The following CFAP44 variants were observed in gnomAD, a reference collection of about 807,000 sequenced individuals.
CFAP44 encodes the protein cilia- and flagella-associated protein 44.
Under a neutral mutation model 216.2 loss-of-function variants are expected in CFAP44, and 134 were observed. The ratio of observed to expected loss-of-function variants is 0.62; its 90% CI spans 0.54 to 0.72. CFAP44 has a LOEUF of 0.72. CFAP44 is among the 30% of genes least tolerant of loss of function. The pLI is 0.00. For missense variants in CFAP44, 2,035 were observed against 2,182.1 expected (o/e 0.93, Z 1.34); for synonymous variants, 700 against 727.6 (o/e 0.96, Z 0.61).
rs745961284 is a variant in CFAP44, at chr3:113,406,990, T to A, written c.942A>T (p.Leu314=). 1.9e-5 allele frequency: 31 copies of A among 1,614,168 alleles called. No individual in the cohort carries two copies. The East Asian group carries it at 6.9e-4, about 36-fold the overall frequency. Reference sequence around the variant, plus strand: ...TAGTGATTGTTTTGCCAAATCGACCTAGTGATCCCTGCAGCTTGAGACCGG... The same window carrying A: ...TAGTGATTGTTTTGCCAAATCGACCAAGTGATCCCTGCAGCTTGAGACCGG... ...TFTGLKLQGS[L]GRFGKTITTD... is the part of the protein sequence containing the mutation. The change falls in exon 8 of 35, where the codon CTA becomes CTT. Residue 314 remains leucine (L), a synonymous_variant. Transcript: ENST00000393845.
intron 6 of CFAP44, among the ~76,000 whole-genome samples, chr3:113,415,841 T>G (rs1033725537): frequency 6.6e-6 from 1 of 152,166 alleles, no homozygotes; most frequent in Non-Finnish European, 1.5e-5. Context: ...TTCTGTAGAT[T>G]TGGAGTAGGG....
chr3:113,383,679 A>T (rs1488155384), intron 15 of CFAP44, among the ~76,000 whole-genome samples: 1 of 152,236 alleles, frequency 6.6e-6, no homozygotes, highest in Non-Finnish European at 1.5e-5. Flanking sequence ...CTACTTGGAG[A>T]TAACAGTGGC....
intron 24 of CFAP44, among the ~76,000 whole-genome samples, chr3:113,341,239 C>T (rs1002689871): frequency 6.6e-6 from 1 of 152,174 alleles, no homozygotes; most frequent in African/African-American, 2.4e-5. Flanking sequence ...GGGATGGAGC[C>T]CCAGCCCGGG....
chr3:113,294,071 A>C (rs1250370125), intron 34 of CFAP44: 1 of 456,618 alleles, frequency 2.2e-6, no homozygotes, highest in African/African-American at 2.0e-5. Context: ...GAAGACCAAG[A>C]GAAACAACTG....
At chr3:113,440,187 C>T (rs1935328493) in intron 1 of CFAP44, among the ~76,000 whole-genome samples, 1 of 152,120 alleles carries the variant, frequency 6.6e-6, no homozygotes, top group African/African-American at 2.4e-5. Context: ...CCTCAGCCTC[C>T]CGAGTAGCTG....
At chr3:113,342,104 G>A (rs923975654) in intron 23 of CFAP44, among the ~76,000 whole-genome samples, 186 bp from the exon 24 acceptor site, 10 of 152,140 alleles carry the variant, frequency 6.6e-5, no homozygotes, top group African/African-American at 1.9e-4. Flanking sequence ...AGGCTGAAGC[G>A]GGTGGATCAC....
At chr3:113,350,323 A>G (rs1950431334) in intron 22 of CFAP44, among the ~76,000 whole-genome samples, 1 of 151,844 alleles carries the variant, frequency 6.6e-6, no homozygotes, top group African/African-American at 2.4e-5. Context: ...AAAGTCAGAG[A>G]GAGAGAAAGA....
intron 22 of CFAP44, among the ~76,000 whole-genome samples, chr3:113,354,842 C>T (rs13078317): frequency 6.6e-6 from 1 of 152,052 alleles, no homozygotes; most frequent in African/African-American, 2.4e-5. Context: ...CTGATGGGCT[C>T]TTGAAAGCAC....
chr3:113,407,934 T>C (rs1268153812), intron 7 of CFAP44, among the ~76,000 whole-genome samples: 2 of 152,222 alleles, frequency 1.3e-5, no homozygotes, highest in African/African-American at 4.8e-5. Flanking sequence ...GTTCAATGTC[T>C]GCCTTTTCCC....
intron 15 of CFAP44, among the ~76,000 whole-genome samples, chr3:113,385,514 C>A (rs1385030680): frequency 6.6e-6 from 1 of 152,098 alleles, no homozygotes; most frequent in East Asian, 1.9e-4. Context: ...AACATTTGAT[C>A]TATCCCAGAG....
chr3:113,308,061 T>G (rs1457466828), intron 29 of CFAP44, 97 bp downstream of exon 29: 1 of 835,944 alleles, frequency 1.2e-6, no homozygotes, highest in Non-Finnish European at 1.8e-6. Flanking sequence ...ATCCTTTTTT[T>G]GAATTATCAG....
At chr3:113,306,442 T>C in intron 29 of CFAP44, 111 bp from the exon 30 acceptor site, 1 of 1,322,006 alleles carries the variant, frequency 7.6e-7, no homozygotes, top group Non-Finnish European at 1.0e-6. Context: ...ATGGATCCAC[T>C]CTAGCCAGCT....
chr3:113,305,282 G>A (rs1339039807), intron 30 of CFAP44, 130 bp from the exon 31 acceptor site: 11 of 738,872 alleles, frequency 1.5e-5, no homozygotes, highest in African/African-American at 5.3e-5. Flanking sequence ...GTGATTAAGT[G>A]CATGATCCCA....
At chr3:113,401,514 C>A in intron 10 of CFAP44, 70 bp downstream of exon 10, 1 of 1,557,948 alleles carries the variant, frequency 6.4e-7, no homozygotes, top group Non-Finnish European at 8.7e-7. Context: ...GTAGCCAAAT[C>A]AATCATACTA....
At chr3:113,364,262 T>C (rs1950568066) in intron 19 of CFAP44, among the ~76,000 whole-genome samples, 1 of 152,176 alleles carries the variant, frequency 6.6e-6, no homozygotes, top group East Asian at 1.9e-4. Flanking sequence ...AGTCTGTTCA[T>C]AAATAAAACT....
At chr3:113,428,491 A>G (rs1229406402) in intron 2 of CFAP44, among the ~76,000 whole-genome samples, 1 of 152,232 alleles carries the variant, frequency 6.6e-6, no homozygotes, top group African/African-American at 2.4e-5. Flanking sequence ...CACTTAGGCA[A>G]CTTTGTGAAG....
intron 22 of CFAP44, among the ~76,000 whole-genome samples, chr3:113,355,902 T>C (rs1455813555): frequency 7.3e-5 from 11 of 151,182 alleles, no homozygotes; most frequent in Admixed American, 7.2e-4. Context: ...TGAAGAGAAA[T>C]ATATCAGTCA....
At chr3:113,400,489 A>C in intron 12 of CFAP44, 56 bp downstream of exon 12, 1 of 1,414,420 alleles carries the variant, frequency 7.1e-7, no homozygotes, top group Non-Finnish European at 9.5e-7. Context: ...TAAAAATTTT[A>C]TTGCAAATAA....
chr3:113,396,847 T>A (rs80297060), intron 13 of CFAP44, 120 bp from the exon 14 acceptor site: 1 of 969,712 alleles, frequency 1.0e-6, no homozygotes, highest in Non-Finnish European at 1.5e-6. Flanking sequence ...GGCAATTCTT[T>A]ATATCACTTT....
Sources: gnomAD v4.1 joint callset for allele counts (sites outside exome capture counted in the v4.1 genomes callset) on GRCh38, gnomAD v4.1.1 for gene constraint, MANE v1.5 for transcripts, NCBI Gene and HGNC (gene_info 2026-07-23, HGNC 2026-07-21) for gene names.